The following PCDH15 variants were observed in gnomAD, a reference collection of about 807,000 sequenced individuals.
The protein encoded by PCDH15 is protocadherin related 15.
A neutral mutation model predicts 178.5 loss-of-function variants in PCDH15; 129 were observed. The ratio of observed to expected loss-of-function variants is 0.72; its 90% confidence interval spans 0.63 to 0.84. PCDH15 has a LOEUF of 0.84. PCDH15 is among the 40% of genes least tolerant of loss of function. The probability of loss-of-function intolerance (pLI) is 0.00; values close to 1 mark genes in which losing one functional copy is unlikely to be tolerated. For synonymous variants in PCDH15, 800 were observed against 732.0 expected, an observed-to-expected ratio of 1.09 and a Z score of -1.50; for missense variants, 2,230 against 2,099.9, an observed-to-expected ratio of 1.06 and a Z score of -1.21.
intron 2 of PCDH15, among the ~76,000 whole-genome samples, chr10:55,389,804 A>G (rs1444364987): frequency 6.6e-6 from 1 of 152,180 alleles, no homozygotes; most frequent in Non-Finnish European, 1.5e-5. Flanking sequence ...CTCTAGGAGA[A>G]ATATTAAATA....
chr10:54,865,269 T>A (rs1220864092), intron 3 of PCDH15, among the ~76,000 whole-genome samples: 1 of 152,156 alleles, frequency 6.6e-6, no homozygotes, highest in African/African-American at 2.4e-5. Context: ...TTGCTGAGTC[T>A]TCTGGCTGTC....
At chr10:55,567,355 G>A (rs1033683955) in intron 2 of PCDH15, among the ~76,000 whole-genome samples, 1 of 151,194 alleles carries the variant, frequency 6.6e-6, no homozygotes, top group Non-Finnish European at 1.5e-5. Flanking sequence ...TAATACTTCA[G>A]ATTTGGCAAT....
At chr10:54,852,717 G>A (rs573394647) in intron 3 of PCDH15, among the ~76,000 whole-genome samples, 1 of 151,806 alleles carries the variant, frequency 6.6e-6, no homozygotes, top group East Asian at 2.0e-4. Flanking sequence ...GCAGGGTGTG[G>A]TGGTAGGCGC....
intron 1 of PCDH15, among the ~76,000 whole-genome samples, chr10:54,675,665 G>T (rs574553297): frequency 5.9e-4 from 90 of 151,932 alleles, no homozygotes; most frequent in Non-Finnish European, 1.0e-3. Flanking sequence ...AATATTTTGC[G>T]ATAATCCTTA....
chr10:55,448,891 A>G (rs1229419942), intron 2 of PCDH15, among the ~76,000 whole-genome samples: 1 of 152,066 alleles, frequency 6.6e-6, no homozygotes, highest in Non-Finnish European at 1.5e-5. Context: ...CCTATTCAGG[A>G]ATAAGTAAGA....
At chr10:55,541,300 C>CTATA (rs912167071) in intron 2 of PCDH15, among the ~76,000 whole-genome samples, 4 of 152,100 alleles carry the variant, frequency 2.6e-5, no homozygotes, top group Non-Finnish European at 5.9e-5. Flanking sequence ...CTGGTGCCAA[C>CTATA]TATATCCCTA....
chr10:55,085,138 C>A (rs1247104877), intron 2 of PCDH15, among the ~76,000 whole-genome samples: 2 of 151,956 alleles, frequency 1.3e-5, no homozygotes, highest in Non-Finnish European at 2.9e-5. Context: ...ATGATTATTG[C>A]AGCACAATTC....
At chr10:55,425,395 A>G (rs936829776) in intron 2 of PCDH15, among the ~76,000 whole-genome samples, 5 of 152,100 alleles carry the variant, frequency 3.3e-5, no homozygotes, top group Non-Finnish European at 5.9e-5. Flanking sequence ...TAATGATGCT[A>G]GAAAAAAATG....
intron 2 of PCDH15, among the ~76,000 whole-genome samples, chr10:55,038,211 T>G (rs948022988): frequency 6.6e-6 from 1 of 152,190 alleles, no homozygotes; most frequent in South Asian, 2.1e-4. Context: ...ACATTTATGC[T>G]TATGTGTTTG....
intron 37 of PCDH15, chr10:53,808,217 A>T: frequency 5.9e-6 from 1 of 168,834 alleles, no homozygotes; most frequent in Non-Finnish European, 1.2e-5. Context: ...TACCTTTGCC[A>T]GTTGAAACGT....
intron 26 of PCDH15, among the ~76,000 whole-genome samples, chr10:53,892,080 C>T (rs540298176): frequency 1.5e-3 from 217 of 143,398 alleles, no homozygotes; most frequent in Non-Finnish European, 2.8e-3. Context: ...GCCGGAGTGC[C>T]GTGGTGGCAT....
intron 2 of PCDH15, among the ~76,000 whole-genome samples, chr10:54,937,613 G>A (rs1200987913): frequency 3.3e-5 from 5 of 151,600 alleles, no homozygotes; most frequent in Admixed American, 2.6e-4. Context: ...TTAATTTTTG[G>A]TTTGTGAATC....
At chr10:55,564,191 A>ATTACT (rs1172161233) in intron 2 of PCDH15, among the ~76,000 whole-genome samples, 3 of 151,920 alleles carry the variant, frequency 2.0e-5, no homozygotes, top group African/African-American at 7.2e-5. Context: ...ATTTAAAATG[A>ATTACT]TTATGTTTTT....
At chr10:55,093,634 C>G (rs889868498) in intron 2 of PCDH15, among the ~76,000 whole-genome samples, 3 of 151,998 alleles carry the variant, frequency 2.0e-5, no homozygotes, top group Non-Finnish European at 4.4e-5. Context: ...GTCTTTAATC[C>G]ATCTTGAATT....
At chr10:55,191,966 A>G (rs1221346280) in intron 1 of PCDH15, among the ~76,000 whole-genome samples, 2 of 151,938 alleles carry the variant, frequency 1.3e-5, no homozygotes, top group African/African-American at 4.8e-5. Flanking sequence ...TTAGTTAAAA[A>G]ATAGACGTTG....
chr10:55,364,329 G>A (rs1272599617), intron 2 of PCDH15, among the ~76,000 whole-genome samples: 1 of 152,078 alleles, frequency 6.6e-6, no homozygotes, highest in Non-Finnish European at 1.5e-5. Flanking sequence ...TCATATCTAA[G>A]TCATTACATA....
intron 15 of PCDH15, among the ~76,000 whole-genome samples, chr10:54,105,000 G>C (rs1375658791): frequency 6.6e-6 from 1 of 151,800 alleles, no homozygotes; most frequent in African/African-American, 2.4e-5. Context: ...GGTGAATCAG[G>C]AGTGTCAAAT....
At chr10:53,903,141 A>T in intron 26 of PCDH15, 102 bp downstream of exon 26, 3 of 1,344,242 alleles carry the variant, frequency 2.2e-6, no homozygotes, top group East Asian at 2.3e-5. Flanking sequence ...GCTTTTGTTT[A>T]TACAGCATAA....
At chr10:54,575,187 T>C (rs1197353881) in intron 2 of PCDH15, 4 of 144,300 alleles carry the variant, frequency 2.8e-5, no homozygotes, top group Non-Finnish European at 6.1e-5. Context: ...CATTGGGAGA[T>C]ATACCTAATG....
Sources: allele counts gnomAD v4.1 joint callset (sites outside exome capture counted in the v4.1 genomes callset), GRCh38; gene constraint gnomAD v4.1.1; transcripts MANE v1.5; gene names NCBI Gene and HGNC (gene_info 2026-07-23, HGNC 2026-07-21).